Variants in DMXL1 observed in about 807,000 individuals in gnomAD.
DMXL1 encodes Dmx like 1, also known as dmX-like protein 1.
In DMXL1, 99 loss-of-function variants were observed where a neutral mutation model predicts 319.2. That is an observed-to-expected ratio of 0.31 (90% CI 0.26 to 0.37). DMXL1 has a LOEUF of 0.37. DMXL1 is among the 10% of genes least tolerant of loss of function. The pLI is 1.00. For synonymous variants in DMXL1, 1,385 were observed against 1,235.2 expected (o/e 1.12, Z -2.54); for missense variants, 3,745 against 3,595.6 (o/e 1.04, Z -1.06).
chr5:119,121,306 T>A (rs1182324137), intron 9 of DMXL1, among the ~76,000 whole-genome samples, 167 bp downstream of exon 9: 2 of 152,088 alleles, frequency 1.3e-5, no homozygotes, highest in Admixed American at 6.6e-5. Flanking sequence ...TTTTTATTGA[T>A]CATTCTTGGG....
chr5:119,174,573 A>T (rs1201896117), intron 25 of DMXL1, among the ~76,000 whole-genome samples: 1 of 152,252 alleles, frequency 6.6e-6, no homozygotes, highest in Non-Finnish European at 1.5e-5. Context: ...TTATCTACAA[A>T]ATGACTGGCA....
chr5:119,190,103 G>A (rs1008755051), intron 29 of DMXL1, among the ~76,000 whole-genome samples: 1 of 152,024 alleles, frequency 6.6e-6, no homozygotes, highest in African/African-American at 2.4e-5. Context: ...TATGACATTT[G>A]CATTTTAAAC....
chr5:119,220,804 A>G (rs1784519768), intron 36 of DMXL1, 136 bp from the exon 37 acceptor site: 1 of 1,179,302 alleles, frequency 8.5e-7, no homozygotes, highest in South Asian at 1.6e-5. Flanking sequence ...GTATGAGGTC[A>G]TTGTGTGTGA....
At chr5:119,172,114 T>G (rs937108396) in intron 25 of DMXL1, 145 bp downstream of exon 25, 2 of 732,920 alleles carry the variant, frequency 2.7e-6, no homozygotes, top group Non-Finnish European at 4.2e-6. Context: ...TGATTCCTAT[T>G]AAAGAAATCT....
In DMXL1 at chr5:119,118,817, C is replaced by A; in HGVS notation, c.746C>A (p.Ala249Asp). The change falls in exon 8 of 44, where the codon GCT becomes GAT. Residue 249 changes from alanine to aspartate, a missense_variant and splice_region_variant. Physicochemically the swap from Ala to Asp is moderately radical, Grantham distance 126 (BLOSUM62 -2). Around this residue, in one of 4 missense-constraint regions of DMXL1, gnomAD observed 2,096 missense variants for 1,985.4 expected, o/e 1.06. Coordinates refer to ENST00000539542, the MANE Select transcript of DMXL1 (RefSeq NM_001290321.3). ...WRKTSKYMPR[A>D]SVCNVLLTCC... ...TCTAAAATCTTTTCATTCCTTAGGGCTTCTGTATGTAATGTACTGTTGACT... is the reference window on the plus strand; with the variant it reads ...TCTAAAATCTTTTCATTCCTTAGGGATTCTGTATGTAATGTACTGTTGACT... 6.3e-7 allele frequency: 1 copy of A among 1,593,460 alleles called. No homozygotes were observed. Among genetic ancestry groups the A allele is most frequent in the South Asian group, 1.2e-5 (1 of 86,208 alleles).
At chr5:119,196,567 C>A in intron 31 of DMXL1, 111 bp downstream of exon 31, 2 of 727,960 alleles carry the variant, frequency 2.7e-6, no homozygotes, top group South Asian at 1.7e-5. Flanking sequence ...TAGTGATTTC[C>A]TGTTACAGAA....
At chr5:119,126,618 CAAA>C (rs573967667) in intron 9 of DMXL1, among the ~76,000 whole-genome samples, 3 of 152,014 alleles carry the variant, frequency 2.0e-5, no homozygotes, top group Admixed American at 1.3e-4. Flanking sequence ...ATAACAATAA[CAAA>C]AAAAATTTTT....
intron 25 of DMXL1, among the ~76,000 whole-genome samples, chr5:119,174,135 A>G (rs1425433810): frequency 2.0e-5 from 3 of 152,052 alleles, no homozygotes; most frequent in Non-Finnish European, 4.4e-5. Context: ...AATCTGCTTT[A>G]ATCAGTCTGA....
intron 17 of DMXL1, 108 bp from the exon 18 acceptor site, chr5:119,148,631 T>C: frequency 1.9e-6 from 2 of 1,076,070 alleles, no homozygotes; most frequent in Non-Finnish European, 2.7e-6. Context: ...CCCTTTGATT[T>C]TGTTCATATT....
rs116472160 is a variant in DMXL1, at chr5:119,084,956, C to T, written c.88-13023C>T. ...CAATCCATGAGCATGGAATATCTTTCCATTTTTTGTGTGTCTGCATCAATT... is the reference window on the plus strand; with the variant it reads ...CAATCCATGAGCATGGAATATCTTTTCATTTTTTGTGTGTCTGCATCAATT... On this transcript the variant is annotated intron_variant, in intron 1 of 43. Transcript: ENST00000539542. Among the ~76,000 whole-genome samples, 836 of 151,842 alleles carry T rather than the reference C, an allele frequency of 5.5e-3. 5 individuals are homozygous for T. The highest frequency in any genetic ancestry group is 9.4e-3 in the Non-Finnish European group (639 of 67,950).
intron 13 of DMXL1, among the ~76,000 whole-genome samples, chr5:119,134,744 C>G (rs1765628630): frequency 6.6e-6 from 1 of 152,282 alleles, no homozygotes; most frequent in South Asian, 2.1e-4. Context: ...GAATTTTAAT[C>G]TTAAACATGA....
chr5:119,086,595 T>G (rs1004414892), intron 1 of DMXL1, among the ~76,000 whole-genome samples: 1 of 152,230 alleles, frequency 6.6e-6, no homozygotes, highest in Non-Finnish European at 1.5e-5. Context: ...CTCTTCAGTT[T>G]TTTTGAAGAG....
chr5:119,110,270 A>G lies in DMXL1; in HGVS notation c.484A>G (p.Ile162Val). The change falls in exon 5 of 44, where the codon ATT becomes GTT. Residue 162 changes from isoleucine to valine, a missense_variant. Transcript: ENST00000539542. ...TCTTAACTTTGGAGATTGGAAATGCATTTGGCATTGCAAGTAAGCAATTAA... is the reference window on the plus strand; with the variant it reads ...TCTTAACTTTGGAGATTGGAAATGCGTTTGGCATTGCAAGTAAGCAATTAA... ...TDLNFGDWKC[I>V]WHCKTASQVH... The G allele has an allele frequency of 6.4e-7, 1 of 1,565,062 alleles. No homozygotes were observed. Among genetic ancestry groups the G allele is most frequent in the Non-Finnish European group, 8.6e-7 (1 of 1,164,708 alleles).
At chr5:119,223,388 T>C (rs1460326016) in intron 37 of DMXL1, among the ~76,000 whole-genome samples, 1 of 152,170 alleles carries the variant, frequency 6.6e-6, no homozygotes, top group Non-Finnish European at 1.5e-5. Context: ...CCCTGGAATC[T>C]AAGCTCTTCG....
chr5:119,244,666 A>G, intron 43 of DMXL1, 90 bp downstream of exon 43: 1 of 842,712 alleles, frequency 1.2e-6, no homozygotes, highest in Non-Finnish European at 1.9e-6. Flanking sequence ...ATCTATTTAA[A>G]TAATAGTTAT....
intron 33 of DMXL1, among the ~76,000 whole-genome samples, chr5:119,203,957 G>C (rs1368098766): frequency 6.6e-6 from 1 of 151,968 alleles, no homozygotes; most frequent in Non-Finnish European, 1.5e-5. Context: ...CGAGTAGCTG[G>C]GACTACAGGT....
chr5:119,158,776 A>T lies in DMXL1; in HGVS notation c.4703-5731A>T, dbSNP rs138958020. Among the ~76,000 whole-genome samples, 140 of 152,366 alleles carry T rather than the reference A, an allele frequency of 9.2e-4. 1 individual carries two copies. Among genetic ancestry groups the T allele is most frequent in the African/African-American group, 3.3e-3 (136 of 41,592 alleles). On this transcript the variant is annotated intron_variant, in intron 19 of 43. Transcript: ENST00000539542. ...TGTCCTTAATTTTGTTAATATGAAC[A>T]GAATGACATCAGTTAATTTGCACAT...
chr5:119,072,778 C>G (rs1349970005), intron 1 of DMXL1, among the ~76,000 whole-genome samples: 1 of 152,028 alleles, frequency 6.6e-6, no homozygotes, highest in East Asian at 1.9e-4. Context: ...GAGACTGTAC[C>G]TCCCCTTTAG....
intron 30 of DMXL1, 86 bp from the exon 31 acceptor site, chr5:119,196,285 A>T: frequency 2.0e-6 from 2 of 983,462 alleles, no homozygotes; most frequent in Non-Finnish European, 3.3e-6. Flanking sequence ...GATTCCTGAT[A>T]GTGGAATTTG....
Sources: gnomAD v4.1 joint callset for allele counts (sites outside exome capture counted in the v4.1 genomes callset) on GRCh38, gnomAD v4.1.1 for gene constraint, gnomAD v4.1.1 regional missense constraint, MANE v1.5 for transcripts, NCBI Gene and HGNC (gene_info 2026-07-23, HGNC 2026-07-21) for gene names.